The following KITLG variants were observed in gnomAD, a reference collection of about 807,000 sequenced individuals.
KITLG encodes the protein c-Kit ligand.
KITLG carries 13 observed loss-of-function variants against 34.1 expected under a neutral mutation model. The ratio of observed to expected loss-of-function variants is 0.38; its 90% CI spans 0.25 to 0.61. The LOEUF is 0.61. KITLG is among the 20% of genes least tolerant of loss of function. The pLI, the probability that KITLG is intolerant of heterozygous loss-of-function variation, is 0.60. For missense variants in KITLG, 292 were observed against 318.9 expected (o/e 0.92, Z 0.64); for synonymous variants, 110 against 104.0 (o/e 1.06, Z -0.35).
At chr12:88,579,465 A>G (rs1364591409) in intron 1 of KITLG, among the ~76,000 whole-genome samples, 1 of 151,532 alleles carries the variant, frequency 6.6e-6, no homozygotes, top group Admixed American at 6.6e-5. Context: ...TCTTCAAGGG[A>G]AAAAAAAATC....
chr12:88,505,101 C>T, intron 9 of KITLG, 58 bp downstream of exon 9: 1 of 889,370 alleles, frequency 1.1e-6, no homozygotes, highest in Non-Finnish European at 1.8e-6. Flanking sequence ...CACATGTACC[C>T]TAGAACTTAA....
Position 88,562,833 on chromosome 12 carries a change from G to A in KITLG, c.16-16968C>T, listed in dbSNP as rs139899069. 5.9e-3 allele frequency among the ~76,000 whole-genome samples: 897 copies of A among 152,278 alleles called. 9 individuals carry two copies. The highest frequency in any genetic ancestry group is 0.039 in the South Asian group (189 of 4,820). On this transcript the variant is annotated intron_variant, in intron 1 of 9. Transcript: ENST00000644744. ...TCATTGAAAAATGCTTCTCCTGGTA[G>A]ATGTGGCCCAAAATTGAAGGGCTGA...
chr12:88,549,925 TAA>T (rs1566031146), intron 1 of KITLG, among the ~76,000 whole-genome samples: 1 of 152,084 alleles, frequency 6.6e-6, no homozygotes, highest in Non-Finnish European at 1.5e-5. Flanking sequence ...GCCAAGACTT[TAA>T]AAAAGTACTT....
intron 3 of KITLG, among the ~76,000 whole-genome samples, chr12:88,522,068 TAAATA>T (rs1566022707): frequency 6.6e-6 from 1 of 152,124 alleles, no homozygotes; most frequent in African/African-American, 2.4e-5. Flanking sequence ...GCTAAATGAT[TAAATA>T]AAATATATAA....
chr12:88,572,192 T>C (rs1460391835), intron 1 of KITLG, among the ~76,000 whole-genome samples: 1 of 152,136 alleles, frequency 6.6e-6, no homozygotes, highest in Non-Finnish European at 1.5e-5. Context: ...AAACAATAAA[T>C]GGTCAAATCA....
chr12:88,541,512 T>C (rs184770154), intron 2 of KITLG, among the ~76,000 whole-genome samples: 31 of 152,254 alleles, frequency 2.0e-4, no homozygotes, highest in African/African-American at 7.5e-4. Context: ...AGAAAACTAG[T>C]TTGAACTTTT....
At chr12:88,558,712 C>A (rs1051773684) in intron 1 of KITLG, among the ~76,000 whole-genome samples, 7 of 152,056 alleles carry the variant, frequency 4.6e-5, no homozygotes, top group Admixed American at 1.3e-4. Flanking sequence ...AGAGGGAATC[C>A]AAATTTCTGA....
chr12:88,537,740 C>T (rs1870380929), intron 2 of KITLG, among the ~76,000 whole-genome samples: 1 of 151,954 alleles, frequency 6.6e-6, no homozygotes, highest in Non-Finnish European at 1.5e-5. Context: ...ATATTCAACC[C>T]CGTAGTATAT....
At chr12:88,535,370 A>G (rs1870271177) in intron 2 of KITLG, among the ~76,000 whole-genome samples, 1 of 152,184 alleles carries the variant, frequency 6.6e-6, no homozygotes, top group Non-Finnish European at 1.5e-5. Flanking sequence ...GTGCTTTATA[A>G]TTTAAAACAA....
At chr12:88,547,852 T>C (rs1247237313) in intron 1 of KITLG, among the ~76,000 whole-genome samples, 1 of 152,208 alleles carries the variant, frequency 6.6e-6, no homozygotes, top group African/African-American at 2.4e-5. Flanking sequence ...TAACAAGTAT[T>C]TATTGAGTAT....
intron 2 of KITLG, among the ~76,000 whole-genome samples, chr12:88,533,217 T>G (rs1235182028): frequency 6.6e-6 from 1 of 152,208 alleles, no homozygotes; most frequent in Non-Finnish European, 1.5e-5. Context: ...TTAAATAACG[T>G]CTGACTTACT....
At chr12:88,562,352 A>C (rs1333328311) in intron 1 of KITLG, among the ~76,000 whole-genome samples, 1 of 152,364 alleles carries the variant, frequency 6.6e-6, no homozygotes, top group South Asian at 2.1e-4. Flanking sequence ...AATCCTCAGC[A>C]GCTGGTTTCC....
Position 88,541,817 on chromosome 12 carries a change from A to T in KITLG, c.129+3935T>A, listed in dbSNP as rs73439022. 3.4e-3 allele frequency among the ~76,000 whole-genome samples: 414 copies of T among 121,096 alleles called. 1 individual carries two copies. The highest frequency in any genetic ancestry group is 0.013 in the African/African-American group (401 of 30,746). 79.4% of individuals were successfully genotyped at this position (121,096 alleles called of 152,430 possible). On this transcript the variant is annotated intron_variant, in intron 2 of 9. Transcript: ENST00000644744. ...AGTACAAAGTGTTCAAGAAGAAATT[A>T]AAAAAAAAATTTGACATTAAAGTCA...
intron 9 of KITLG, among the ~76,000 whole-genome samples, chr12:88,501,384 C>A (rs1566017205): frequency 6.6e-6 from 1 of 152,106 alleles, no homozygotes; most frequent in African/African-American, 2.4e-5. Context: ...CAAATTATAT[C>A]TATTTTTTAA....
intron 3 of KITLG, among the ~76,000 whole-genome samples, chr12:88,523,126 A>G (rs1343326632): frequency 6.6e-6 from 1 of 152,202 alleles, no homozygotes; most frequent in African/African-American, 2.4e-5. Flanking sequence ...AATTAGACGT[A>G]TGCATGCCTA....
rs138697150 is a variant in KITLG at position 88,548,026 on chromosome 12, T to C, written c.16-2161A>G. Among the ~76,000 whole-genome samples, 644 of 152,296 alleles carry C rather than the reference T, an allele frequency of 4.2e-3. 3 individuals are homozygous for C. The highest frequency in any genetic ancestry group is 0.017 in the Middle Eastern group (5 of 294). On this transcript the variant is annotated intron_variant, in intron 1 of 9. Coordinates refer to ENST00000644744, the MANE Select transcript of KITLG (RefSeq NM_000899.5). Reference sequence around the variant, plus strand: ...AAGATTAGAGCAAGGTAAAGGGGATTGGGATCATAATGTCTACTCTGCCTT... The same window carrying C: ...AAGATTAGAGCAAGGTAAAGGGGATCGGGATCATAATGTCTACTCTGCCTT...
At chr12:88,505,366 G>A in intron 8 of KITLG, 131 bp from the exon 9 acceptor site, 1 of 704,248 alleles carries the variant, frequency 1.4e-6, no homozygotes, top group East Asian at 2.7e-5. Flanking sequence ...TGAATGGGGA[G>A]CCTACCTTCT....
At chr12:88,548,192 A>G (rs1005216649) in intron 1 of KITLG, among the ~76,000 whole-genome samples, 6 of 152,278 alleles carry the variant, frequency 3.9e-5, no homozygotes, top group Admixed American at 2.6e-4. Flanking sequence ...GTGGTGGCTC[A>G]TGCCTGTAAT....
intron 6 of KITLG, among the ~76,000 whole-genome samples, chr12:88,510,843 C>G (rs1024529595): frequency 6.6e-6 from 1 of 152,076 alleles, no homozygotes; most frequent in South Asian, 2.1e-4. Context: ...TTTCCCTAAC[C>G]CTTCTCCCAA....
Sources: allele counts gnomAD v4.1 joint callset (sites outside exome capture counted in the v4.1 genomes callset), GRCh38; gene constraint gnomAD v4.1.1; transcripts MANE v1.5; gene names NCBI Gene and HGNC (gene_info 2026-07-23, HGNC 2026-07-21).